Variants in PTPRU observed in about 807,000 individuals in gnomAD.
The protein encoded by PTPRU is receptor-type tyrosine-protein phosphatase U.
A neutral mutation model predicts 166.3 loss-of-function variants in PTPRU; 69 were observed. The observed-to-expected ratio is 0.41, with a 90% CI of 0.34 to 0.51. The LOEUF is 0.51. Among genes scored for constraint, PTPRU ranks in the 20% least tolerant of loss-of-function variants. PTPRU has a pLI of 0.09. For synonymous variants in PTPRU, 793 were observed against 814.0 expected, an observed-to-expected ratio of 0.97 and a Z score of 0.44; for missense variants, 1,657 against 2,013.7, an observed-to-expected ratio of 0.82 and a Z score of 3.39.
intron 14 of PTPRU, among the ~76,000 whole-genome samples, chr1:29,287,020 G>A (rs534375971): frequency 6.6e-6 from 1 of 152,150 alleles, no homozygotes; most frequent in African/African-American, 2.4e-5. Context: ...GGATGCAGCA[G>A]CCCTGGCAGG....
rs1686000162 is a variant in PTPRU, at chr1:29,280,226, G to C, written c.1868+85G>C. The C allele has an allele frequency of 2.2e-6, 3 of 1,338,594 alleles. No individual in the cohort carries two copies. The highest frequency in any genetic ancestry group is 3.1e-6 in the Non-Finnish European group (3 of 958,048). The allele number at this position is 1,338,594 out of a possible 1,614,324, so 82.9% of individuals were successfully genotyped here. A position where few individuals can be genotyped will look rare whatever the true frequency, so the allele number is the denominator to read the frequency against. On this transcript the variant is annotated intron_variant, in intron 11 of 29. Coordinates refer to ENST00000373779, the MANE Select transcript of PTPRU (RefSeq NM_133178.4). This position sits in a 1 kb window ranked among gnomAD's most constrained non-coding sequence, Gnocchi z 4.2. ...TGACCCAGAGCCCCATCCCAGGCCA[G>C]CTCACCCTTTTCCTCCCTCAGTCTC...
At chr1:29,252,787 C>T (rs920554018) in intron 1 of PTPRU, among the ~76,000 whole-genome samples, 2 of 152,224 alleles carry the variant, frequency 1.3e-5, no homozygotes, top group Non-Finnish European at 2.9e-5. Flanking sequence ...ACCACCACAG[C>T]AGCAGTCATC....
Position 29,237,035 on chromosome 1 carries a change from G to A in PTPRU, c.73+318G>A, listed in dbSNP as rs866101807. ...GTGTAGTGTTTGTGTGGCCAAGTGGGTTGTGTGTGCATCTGAGTTTGGTTG... is the reference window on the plus strand; with the variant it reads ...GTGTAGTGTTTGTGTGGCCAAGTGGATTGTGTGTGCATCTGAGTTTGGTTG... On this transcript the variant is annotated intron_variant, in intron 1 of 29. Coordinates refer to ENST00000373779, the MANE Select transcript of PTPRU (RefSeq NM_133178.4). The surrounding 1 kb of genome is among the most constrained non-coding windows in gnomAD (Gnocchi z 6.4). Among the ~76,000 whole-genome samples the A allele has an allele frequency of 1.2e-4, 18 of 152,292 alleles. 1 individual carries two copies. The Middle Eastern group carries it at 0.017, about 144-fold the overall frequency.
chr1:29,290,471 C>T (rs1375638241), intron 14 of PTPRU, among the ~76,000 whole-genome samples: 2 of 152,230 alleles, frequency 1.3e-5, no homozygotes, highest in African/African-American at 4.8e-5. Flanking sequence ...TCTGTCTTCT[C>T]TCTCTGTCTT....
intron 7 of PTPRU, among the ~76,000 whole-genome samples, chr1:29,264,061 C>T (rs770992539): frequency 6.6e-6 from 1 of 151,968 alleles, no homozygotes; most frequent in Non-Finnish European, 1.5e-5. Flanking sequence ...GTTGTCCCAG[C>T]TACTCAGGAG....
At chr1:29,297,385 A>C (rs1008599039) in intron 15 of PTPRU, among the ~76,000 whole-genome samples, 1 of 152,152 alleles carries the variant, frequency 6.6e-6, no homozygotes, top group Admixed American at 6.5e-5. Flanking sequence ...CCTTCAGCTT[A>C]CAAATCAGGA....
chr1:29,312,492 G>T lies in PTPRU; in HGVS notation c.3073-60G>T, dbSNP rs540945927. 6.2e-6 allele frequency: 9 copies of T among 1,453,594 alleles called. No individual in the cohort carries two copies. In the South Asian group the frequency reaches 1.2e-4, roughly 20 times the overall value. The allele number at this position is 1,453,594 out of a possible 1,614,324, so 90.0% of individuals were successfully genotyped here. On this transcript the variant is annotated intron_variant, in intron 21 of 29. Transcript: ENST00000373779. The stretch of plus-strand genomic sequence containing the variant: ...TACTGCAGTGCCTGGCACACAGCAG[G>T]TGTCTAATGGTGACAGATGCTGCCA...
In PTPRU at chr1:29,260,782, C is replaced by G. The variant is rs756535014; in HGVS notation, c.1023C>G (p.Thr341=). 2 of 1,613,634 alleles carry G rather than the reference C, an allele frequency of 1.2e-6. No individual in the cohort carries two copies. The highest frequency in any genetic ancestry group is 2.2e-5 in the South Asian group (2 of 91,044). The change falls in exon 7 of 30, where the codon ACC becomes ACG. Residue 341 remains threonine (T), a synonymous_variant. Coordinates refer to ENST00000373779, the MANE Select transcript of PTPRU (RefSeq NM_133178.4). This position sits in a 1 kb window ranked among gnomAD's most constrained non-coding sequence, Gnocchi z 8.3. The stretch of plus-strand genomic sequence containing the variant: ...AGGTGCACGCCGTCAGCCTGCAGAC[C>G]TACAAGCTGTGGCACCTCGACCCCG... ...WAEVHAVSLQ[T]YKLWHLDPDT...
chr1:29,280,255 C>G lies in PTPRU; in HGVS notation c.1868+114C>G. 1.9e-5 allele frequency: 20 copies of G among 1,053,584 alleles called. No homozygotes were observed. The highest frequency in any genetic ancestry group is 2.8e-5 in the Non-Finnish European group (20 of 723,488). The allele number at this position is 1,053,584 out of a possible 1,614,324, so 65.3% of individuals were successfully genotyped here. On this transcript the variant is annotated intron_variant, in intron 11 of 29. Transcript: ENST00000373779. This position sits in a 1 kb window ranked among gnomAD's most constrained non-coding sequence, Gnocchi z 4.2. ...ACCCTTTTCCTCCCTCAGTCTCCCA[C>G]GCAGGGCTTGGAGTGTCTGGAGGAG...
At position 29,270,516 on chromosome 1, in the gene PTPRU, C is replaced by G. The variant is rs190512593; in HGVS notation, c.1145-4932C>G. On this transcript the variant is annotated intron_variant, in intron 7 of 29. Transcript: ENST00000373779. ...AGATGAGGTCTCACTACTATGTTGC[C>G]CATGAAGGTCTCGAACCCCTGAGCG... Among the ~76,000 whole-genome samples the G allele has an allele frequency of 2.9e-4, 44 of 152,146 alleles. 1 individual carries two copies. In the Middle Eastern group the frequency reaches 0.014, roughly 47 times the overall value.
At position 29,314,077 on chromosome 1, in the gene PTPRU, A is replaced by T. The variant is rs1252382033; in HGVS notation, c.3228-1295A>T. 3.9e-5 allele frequency among the ~76,000 whole-genome samples: 6 copies of T among 152,260 alleles called. No individual in the cohort carries two copies. The East Asian group carries it at 1.2e-3, about 29-fold the overall frequency. On this transcript the variant is annotated intron_variant, in intron 22 of 29. Transcript: ENST00000373779. ...TGTTTGTCTTCTTTCCCTGAGCCTTAGGTTTGTGAGGCTCGTCCACAGTGG... is the reference window on the plus strand; with the variant it reads ...TGTTTGTCTTCTTTCCCTGAGCCTTTGGTTTGTGAGGCTCGTCCACAGTGG...
chr1:29,298,507 C>T (rs1158683418), intron 15 of PTPRU, among the ~76,000 whole-genome samples: 5 of 152,102 alleles, frequency 3.3e-5, no homozygotes, highest in South Asian at 2.1e-4. Flanking sequence ...TAACTGGTGG[C>T]GGGGCTGGTG....
chr1:29,314,937 A>G (rs1687830870), intron 22 of PTPRU, among the ~76,000 whole-genome samples: 1 of 152,202 alleles, frequency 6.6e-6, no homozygotes, highest in Non-Finnish European at 1.5e-5. Flanking sequence ...AAAGAATGAC[A>G]TCATCCTGGA....
At chr1:29,274,895 C>A (rs988538773) in intron 7 of PTPRU, among the ~76,000 whole-genome samples, 15 of 151,894 alleles carry the variant, frequency 9.9e-5, no homozygotes, top group Middle Eastern at 3.4e-3. Flanking sequence ...ACCAAAAATA[C>A]AAAAATTAGC....
At chr1:29,276,306 ACC>A (rs1685802062) in intron 8 of PTPRU, among the ~76,000 whole-genome samples, 1 of 152,020 alleles carries the variant, frequency 6.6e-6, no homozygotes, top group Admixed American at 6.6e-5. Context: ...GGCATGCACC[ACC>A]ACGCCAAGCT....
At chr1:29,258,446 T>G in intron 2 of PTPRU, 59 bp from the exon 3 acceptor site, 2 of 1,561,072 alleles carry the variant, frequency 1.3e-6, no homozygotes, top group Non-Finnish European at 1.7e-6. Context: ...CCCCTTGCCC[T>G]GGCCCTGTCC....
Position 29,291,882 on chromosome 1 carries a change from A to G in PTPRU, c.2332A>G (p.Met778Val), listed in dbSNP as rs768529236. 7.4e-6 allele frequency: 12 copies of G among 1,613,890 alleles called. No individual in the cohort carries two copies. The highest frequency in any genetic ancestry group is 1.7e-5 in the Admixed American group (1 of 59,980). ...VIIRKGKPVN[M>V]TKATVNYRQE... Reference sequence around the variant, plus strand: ...CCCCCTCTCCAGGAAGCCGGTGAACATGACCAAGGCCACCGTCAACTACCG... The same window carrying G: ...CCCCCTCTCCAGGAAGCCGGTGAACGTGACCAAGGCCACCGTCAACTACCG... Residue 778 changes from methionine to valine, a missense_variant, in exon 15 of 30, where the codon ATG (methionine) becomes GTG (valine). Physicochemically the swap from Met to Val is conservative, Grantham distance 21. Around this residue, in one of 3 missense-constraint regions of PTPRU, gnomAD observed 1,190 missense variants for 1,477.4 expected, o/e 0.81. Coordinates refer to ENST00000373779, the MANE Select transcript of PTPRU (RefSeq NM_133178.4). The surrounding 1 kb of genome is among the most constrained non-coding windows in gnomAD (Gnocchi z 4.1).
In PTPRU at chr1:29,236,740, G is replaced by A. The variant is rs752083732; in HGVS notation, c.73+23G>A. 52 of 1,398,520 alleles carry A rather than the reference G, an allele frequency of 3.7e-5. No individual in the cohort carries two copies. The highest frequency in any genetic ancestry group is 6.2e-5 in the South Asian group (4 of 64,114). 86.6% of individuals were successfully genotyped at this position (1,398,520 alleles called of 1,614,324 possible). A position where few individuals can be genotyped will look rare whatever the true frequency, so the allele number is the denominator to read the frequency against. ...CAGGTAAGCGCGCGGCGGCCGGACC[G>A]AGCCTGCCCCGCCGAGCCTCGGGGC... On this transcript the variant is annotated intron_variant, in intron 1 of 29. Coordinates refer to ENST00000373779, the MANE Select transcript of PTPRU (RefSeq NM_133178.4). This position sits in a 1 kb window ranked among gnomAD's most constrained non-coding sequence, Gnocchi z 4.6.
chr1:29,301,898 A>G (rs941443526), intron 15 of PTPRU, among the ~76,000 whole-genome samples: 44 of 152,190 alleles, frequency 2.9e-4, no homozygotes, highest in African/African-American at 9.9e-4. Context: ...CCATGTCCCT[A>G]CAAAGGACAT....
Sources: allele counts gnomAD v4.1 joint callset (sites outside exome capture counted in the v4.1 genomes callset), GRCh38; gene constraint gnomAD v4.1.1; regional missense constraint gnomAD v4.1.1; non-coding constraint Gnocchi (gnomAD v3.1); transcripts MANE v1.5; gene names NCBI Gene and HGNC (gene_info 2026-07-23, HGNC 2026-07-21).